SLC7A11: variants seen among roughly 807,000 people sequenced by gnomAD.
The protein encoded by SLC7A11 is cystine/glutamate transporter.
SLC7A11 carries 35 observed loss-of-function variants against 54.5 expected under a neutral mutation model. The ratio of observed to expected loss-of-function variants is 0.64; its 90% CI spans 0.49 to 0.85. The LOEUF is 0.85. Among genes scored for constraint, SLC7A11 ranks in the 40% least tolerant of loss-of-function variants. SLC7A11 has a pLI of 0.00. For missense variants in SLC7A11, 583 were observed against 618.1 expected (o/e 0.94, Z 0.60); for synonymous variants, 230 against 225.2 (o/e 1.02, Z -0.19).
At chr4:138,221,852 G>A (rs1737821420) in intron 4 of SLC7A11, among the ~76,000 whole-genome samples, 1 of 152,106 alleles carries the variant, frequency 6.6e-6, no homozygotes, top group Non-Finnish European at 1.5e-5. Context: ...ATAATCTTTT[G>A]GAATCTAAAC....
intron 2 of SLC7A11, among the ~76,000 whole-genome samples, chr4:138,235,082 T>A (rs1738173617): frequency 6.6e-6 from 1 of 152,062 alleles, no homozygotes; most frequent in Non-Finnish European, 1.5e-5. Context: ...ACCTAAAATA[T>A]TAAGGAAGAA....
chr4:138,182,085 G>A (rs1014214052), intron 9 of SLC7A11, among the ~76,000 whole-genome samples: 13 of 152,080 alleles, frequency 8.5e-5, no homozygotes, highest in African/African-American at 2.4e-4. Flanking sequence ...GTGAGGTGAT[G>A]ATGATTTTTG....
chr4:138,208,460 C>T (rs1737461547), intron 6 of SLC7A11, among the ~76,000 whole-genome samples: 1 of 152,044 alleles, frequency 6.6e-6, no homozygotes, highest in Non-Finnish European at 1.5e-5. Context: ...GGATTACAAA[C>T]ATTATACATC....
At chr4:138,173,410 G>A (rs1736486451) in intron 11 of SLC7A11, among the ~76,000 whole-genome samples, 1 of 152,012 alleles carries the variant, frequency 6.6e-6, no homozygotes, top group Admixed American at 6.6e-5. Context: ...TGAGGTGGGT[G>A]GATCACCTGA....
chr4:138,205,500 T>A (rs1174180074), intron 6 of SLC7A11, among the ~76,000 whole-genome samples: 1 of 152,062 alleles, frequency 6.6e-6, no homozygotes, highest in African/African-American at 2.4e-5. Flanking sequence ...CCTGAATGCA[T>A]CTTGTCTCTA....
At chr4:138,239,692 T>C (rs1161930660) in intron 1 of SLC7A11, among the ~76,000 whole-genome samples, 1 of 152,218 alleles carries the variant, frequency 6.6e-6, no homozygotes, top group Non-Finnish European at 1.5e-5. Flanking sequence ...TTTTTGAGCT[T>C]TTGCTTCAGA....
chr4:138,173,000 C>T (rs1303144656), intron 11 of SLC7A11, among the ~76,000 whole-genome samples: 5 of 152,000 alleles, frequency 3.3e-5, no homozygotes, highest in African/African-American at 1.2e-4. Context: ...TGTGCCACCA[C>T]ATCCGGCTAA....
intron 6 of SLC7A11, among the ~76,000 whole-genome samples, chr4:138,192,797 T>C (rs1157281584): frequency 6.6e-6 from 1 of 152,142 alleles, no homozygotes; most frequent in African/African-American, 2.4e-5. Flanking sequence ...AGAGGAAAGA[T>C]AGACCCCATT....
chr4:138,186,142 G>C (rs985127799), intron 6 of SLC7A11, among the ~76,000 whole-genome samples: 2 of 152,052 alleles, frequency 1.3e-5, no homozygotes, highest in Admixed American at 1.3e-4. Context: ...TTGATTCCAC[G>C]TTACCAATAC....
intron 9 of SLC7A11, 109 bp downstream of exon 9, chr4:138,182,188 A>C: frequency 1.5e-6 from 1 of 675,868 alleles, no homozygotes; most frequent in Non-Finnish European, 2.6e-6. Flanking sequence ...CATGACATAC[A>C]TTAGCAATGA....
chr4:138,238,964 A>G (rs1738309331), intron 1 of SLC7A11, among the ~76,000 whole-genome samples: 1 of 152,216 alleles, frequency 6.6e-6, no homozygotes, highest in Non-Finnish European at 1.5e-5. Flanking sequence ...AAGAGAGTAT[A>G]GATTGTCCAC....
chr4:138,223,018 A>G (rs1737853358), intron 4 of SLC7A11, among the ~76,000 whole-genome samples, 181 bp downstream of exon 4: 1 of 152,050 alleles, frequency 6.6e-6, no homozygotes, highest in Admixed American at 6.6e-5. Context: ...CTGCCATTCA[A>G]CTGTAAAAAC....
At position 138,169,807 on chromosome 4, in the gene SLC7A11, T is replaced by G. The variant is rs1314784520; in HGVS notation, c.*2149A>C. 6.6e-6 allele frequency: 1 copy of G among 151,982 alleles called. No homozygotes were observed. The highest frequency in any genetic ancestry group is 1.5e-5 in the Non-Finnish European group (1 of 67,984). The allele number at this position is 151,982 out of a possible 1,614,324, so 9.4% of individuals were successfully genotyped here. A position where few individuals can be genotyped will look rare whatever the true frequency, so the allele number is the denominator to read the frequency against. On this transcript the variant is annotated 3_prime_UTR_variant, in exon 12 of 12. Transcript: ENST00000280612. Reference sequence around the variant, plus strand: ...AGAGATGTGGACAAATGAACAATATTTACTGGAAATAGGAATTATAAATCA... The same window carrying G: ...AGAGATGTGGACAAATGAACAATATGTACTGGAAATAGGAATTATAAATCA...
intron 5 of SLC7A11, among the ~76,000 whole-genome samples, chr4:138,214,856 G>A (rs546593575): frequency 1.3e-5 from 2 of 152,240 alleles, no homozygotes; most frequent in South Asian, 4.1e-4. Context: ...TAAGCCCATA[G>A]TCTTAAGGAG....
intron 2 of SLC7A11, among the ~76,000 whole-genome samples, chr4:138,233,435 C>T (rs1038917129): frequency 1.3e-5 from 2 of 152,114 alleles, no homozygotes; most frequent in Non-Finnish European, 2.9e-5. Context: ...CCACCTGCCT[C>T]GGCCTCCCAA....
chr4:138,200,260 T>C (rs1448933969), intron 6 of SLC7A11, among the ~76,000 whole-genome samples: 2 of 152,112 alleles, frequency 1.3e-5, no homozygotes, highest in Non-Finnish European at 2.9e-5. Context: ...TTAAAGACAA[T>C]AAAAAGCAGC....
rs141264419 is a variant in SLC7A11 at position 138,206,907 on chromosome 4, A to C, written c.791+7678T>G. Among the ~76,000 whole-genome samples, 330 of 149,864 alleles carry C rather than the reference A, an allele frequency of 2.2e-3. 1 individual carries two copies. The highest frequency in any genetic ancestry group is 3.5e-3 in the Non-Finnish European group (238 of 67,480). ...CAAATACCGATCTTTTGTCTGCCTC[A>C]GTGGCTCAACTAGCACAATTCTATT... On this transcript the variant is annotated intron_variant, in intron 6 of 11. Transcript: ENST00000280612.
At chr4:138,205,754 T>C (rs748866590) in intron 6 of SLC7A11, among the ~76,000 whole-genome samples, 2 of 152,000 alleles carry the variant, frequency 1.3e-5, no homozygotes, top group Non-Finnish European at 2.9e-5. Flanking sequence ...TAAATAAGAA[T>C]ATGAATGAGG....
chr4:138,237,737 ATTTTTTTTTTTTTTTTTT>A lies in SLC7A11; in HGVS notation c.278-1304_278-1287del, dbSNP rs1169641615. 4.7e-3 allele frequency among the ~76,000 whole-genome samples: 46 copies of A among 9,818 alleles called. 2 individuals are homozygous for A. Among genetic ancestry groups the A allele is most frequent in the East Asian group, 0.031 (8 of 258 alleles). The allele number at this position is 9,818 out of a possible 152,430, so 6.4% of individuals were successfully genotyped here. ...TATATATATATATATATATATATATATTTTTTTTTTTTTTTTTTTTTTTTTTTTTTTGAGATGGAGTCT... is the reference window on the plus strand; with the variant it reads ...TATATATATATATATATATATATATATTTTTTTTTTTTTGAGATGGAGTCT... On this transcript the variant is annotated intron_variant, in intron 1 of 11. Transcript: ENST00000280612.
Sources: allele counts gnomAD v4.1 joint callset (sites outside exome capture counted in the v4.1 genomes callset), GRCh38; gene constraint gnomAD v4.1.1; transcripts MANE v1.5; gene names NCBI Gene and HGNC (gene_info 2026-07-23, HGNC 2026-07-21).